Variants in TOM1L2 observed in about 807,000 individuals in gnomAD.
The protein encoded by TOM1L2 is target of myb1 like 2 membrane trafficking protein, also known as TOM1-like protein 2.
TOM1L2 carries 31 observed loss-of-function variants against 67.9 expected under a neutral mutation model. The ratio of observed to expected loss-of-function variants is 0.46; its 90% CI spans 0.34 to 0.62. The LOEUF is 0.62. Ranked by LOEUF, TOM1L2 falls within the 20% of genes least tolerant of loss-of-function variation. The probability of loss-of-function intolerance (pLI) is 0.01; values close to 1 mark genes in which losing one functional copy is unlikely to be tolerated. For missense variants in TOM1L2, 606 were observed against 663.5 expected (o/e 0.91, Z 0.95); for synonymous variants, 256 against 254.0 (o/e 1.01, Z -0.07).
chr17:17,866,642 G>A (rs1382929901), intron 9 of TOM1L2, among the ~76,000 whole-genome samples: 2 of 152,250 alleles, frequency 1.3e-5, no homozygotes, highest in Non-Finnish European at 2.9e-5. Context: ...AGAAGGAGGG[G>A]TTGCTGAGTC....
intron 1 of TOM1L2, among the ~76,000 whole-genome samples, chr17:17,911,851 C>CGACTCTT (rs1220396674): frequency 7.5e-6 from 1 of 133,736 alleles, no homozygotes; most frequent in Non-Finnish European, 1.6e-5. Context: ...GGAGTGGTGA[C>CGACTCTT]GACTCTTAAC....
intron 2 of TOM1L2, among the ~76,000 whole-genome samples, chr17:17,903,176 GC>G (rs1225251542): frequency 6.6e-6 from 1 of 151,664 alleles, no homozygotes; most frequent in African/African-American, 2.4e-5. Flanking sequence ...CTCTCTCCCT[GC>G]CCCCCACCCA....
rs539750130 is a variant in TOM1L2 at position 17,847,679 on chromosome 17, G to T, written c.1480C>A (p.Arg494=). Residue 494 remains arginine (R), a synonymous_variant, in exon 15 of 15, where the codon CGG becomes AGG. Coordinates refer to ENST00000379504, the MANE Select transcript of TOM1L2 (RefSeq NM_001082968.2). ...APAPASNPSG[R]KKPERSEDAL... is the part of the protein sequence containing the mutation. ...TCCTCTGACCGCTCTGGCTTCTTCC[G>T]GCCAGAAGGGTTTGAGGCTGGGGCA... 1.2e-6 allele frequency: 2 copies of T among 1,613,892 alleles called. No individual in the cohort carries two copies. The highest frequency in any genetic ancestry group is 2.2e-5 in the East Asian group (1 of 44,874).
chr17:17,899,384 G>A (rs1439175454), intron 2 of TOM1L2, among the ~76,000 whole-genome samples: 2 of 152,198 alleles, frequency 1.3e-5, no homozygotes, highest in African/African-American at 2.4e-5. Context: ...CAGATCTGAG[G>A]TGGATTCCCA....
intron 1 of TOM1L2, among the ~76,000 whole-genome samples, chr17:17,919,377 G>A (rs1440618137): frequency 6.6e-6 from 1 of 152,068 alleles, no homozygotes; most frequent in African/African-American, 2.4e-5. Context: ...CCACCTACAG[G>A]TAAACAGCCA....
At chr17:17,902,332 G>A (rs1234035943) in intron 2 of TOM1L2, among the ~76,000 whole-genome samples, 11 of 152,184 alleles carry the variant, frequency 7.2e-5, no homozygotes, top group Admixed American at 7.2e-4. Flanking sequence ...CCCAAGGAGA[G>A]GCCTTTCGGG....
At chr17:17,922,719 C>T (rs1257525174) in intron 1 of TOM1L2, among the ~76,000 whole-genome samples, 2 of 152,234 alleles carry the variant, frequency 1.3e-5, no homozygotes, top group African/African-American at 4.8e-5. Flanking sequence ...AGACACGAAA[C>T]AGGGAACCTG....
rs1247326711 is a variant in TOM1L2 at position 17,893,707 on chromosome 17, T to C, written c.320A>G (p.Asn107Ser). ...GTCCTGTACAATGGTGGGAGGGTTG[T>C]TCTTGGGAGATATAATTTTGACCAG... ...SVLVKIISPKNNPPTIVQDKV... is the reference protein window; with the variant it reads ...SVLVKIISPKSNPPTIVQDKV... The change falls in exon 4 of 15, where the codon AAC (asparagine) becomes AGC (serine). Residue 107 changes from asparagine to serine, a missense_variant. This residue lies in a region of TOM1L2 where 543 missense variants were observed against 554.0 expected (regional missense o/e 0.98). Transcript: ENST00000379504. 6.2e-7 allele frequency: 1 copy of C among 1,614,176 alleles called. No homozygotes were observed. The highest frequency in any genetic ancestry group is 8.5e-7 in the Non-Finnish European group (1 of 1,180,032).
At chr17:17,879,815 G>A (rs1296069982) in intron 6 of TOM1L2, 72 bp from the exon 7 acceptor site, 2 of 1,280,456 alleles carry the variant, frequency 1.6e-6, no homozygotes, top group Non-Finnish European at 2.3e-6. Context: ...ATCAGAATCA[G>A]CTTGCTCCTA....
chr17:17,879,801 C>G, intron 6 of TOM1L2, 58 bp from the exon 7 acceptor site: 1 of 1,379,270 alleles, frequency 7.3e-7, no homozygotes, highest in Non-Finnish European at 1.0e-6. Flanking sequence ...CCTGCACTTG[C>G]AATATCAGAA....
chr17:17,939,634 G>T (rs1894939994), intron 1 of TOM1L2, among the ~76,000 whole-genome samples: 1 of 152,008 alleles, frequency 6.6e-6, no homozygotes, highest in Non-Finnish European at 1.5e-5. Flanking sequence ...TTCTATAAAG[G>T]GTTTGTAGAA....
chr17:17,934,223 C>T (rs2040433618), intron 1 of TOM1L2, among the ~76,000 whole-genome samples: 1 of 152,106 alleles, frequency 6.6e-6, no homozygotes, highest in South Asian at 2.1e-4. Context: ...GGTGGGAGGA[C>T]TGCTTAAGCC....
chr17:17,950,476 T>A (rs967256672), intron 1 of TOM1L2, among the ~76,000 whole-genome samples: 4 of 151,852 alleles, frequency 2.6e-5, no homozygotes, highest in African/African-American at 9.7e-5. Flanking sequence ...TTTTTTTTTT[T>A]AGAGACAGGG....
intron 4 of TOM1L2, among the ~76,000 whole-genome samples, chr17:17,893,030 C>A (rs1419079298): frequency 6.6e-6 from 1 of 152,224 alleles, no homozygotes; most frequent in African/African-American, 2.4e-5. Flanking sequence ...TCCTGGCCCA[C>A]AGAAACTAAG....
intron 2 of TOM1L2, among the ~76,000 whole-genome samples, chr17:17,900,868 T>G (rs938161288): frequency 4.6e-5 from 7 of 152,246 alleles, no homozygotes; most frequent in Non-Finnish European, 8.8e-5. Context: ...ATGGACTGAT[T>G]TCCTCTCTCC....
intron 1 of TOM1L2, among the ~76,000 whole-genome samples, chr17:17,943,139 T>G (rs1304651370): frequency 1.3e-5 from 2 of 152,112 alleles, no homozygotes; most frequent in African/African-American, 4.8e-5. Flanking sequence ...TGCTTGAAAT[T>G]TTCTATGATA....
chr17:17,969,149 C>T (rs1005777045), intron 1 of TOM1L2, among the ~76,000 whole-genome samples: 3 of 151,774 alleles, frequency 2.0e-5, no homozygotes, highest in Admixed American at 1.3e-4. Context: ...CTCTGCCTCC[C>T]AGGTTCAAGC....
chr17:17,898,897 T>G (rs1201822763), intron 2 of TOM1L2, among the ~76,000 whole-genome samples: 1 of 152,164 alleles, frequency 6.6e-6, no homozygotes, highest in African/African-American at 2.4e-5. Context: ...ATAAAGAAAC[T>G]CATGCACCAA....
intron 1 of TOM1L2, among the ~76,000 whole-genome samples, chr17:17,912,953 G>A (rs1056117723): frequency 3.3e-5 from 5 of 152,248 alleles, no homozygotes; most frequent in African/African-American, 1.2e-4. Context: ...GGAGGCCGAG[G>A]CTGGCGGATC....
Sources: gnomAD v4.1 joint callset for allele counts (sites outside exome capture counted in the v4.1 genomes callset) on GRCh38, gnomAD v4.1.1 for gene constraint, gnomAD v4.1.1 regional missense constraint, MANE v1.5 for transcripts, NCBI Gene and HGNC (gene_info 2026-07-23, HGNC 2026-07-21) for gene names.